PSG11: variants seen among roughly 807,000 people sequenced by gnomAD.
PSG11 encodes the protein pregnancy specific beta-1-glycoprotein 11.
A neutral mutation model predicts 36.0 loss-of-function variants in PSG11; 42 were observed. The ratio of observed to expected loss-of-function variants is 1.17; its 90% confidence interval spans 0.91 to 1.51. The LOEUF (loss-of-function observed/expected upper bound fraction) is 1.51. PSG11 is among the 40% of genes most tolerant of loss of function. The pLI is 0.00. For synonymous variants in PSG11, 206 were observed against 153.5 expected, an observed-to-expected ratio of 1.34 and a Z score of -2.53; for missense variants, 558 against 403.5, an observed-to-expected ratio of 1.38 and a Z score of -3.28.
At chr19:43,016,375 G>C (rs1323279250) in intron 3 of PSG11, among the ~76,000 whole-genome samples, 1 of 151,290 alleles carries the variant, frequency 6.6e-6, no homozygotes, top group Middle Eastern at 3.4e-3. Context: ...CTCACCTTGG[G>C]TTCCTTACCT....
Position 43,025,037 on chromosome 19 carries a change from C to T in PSG11, c.84G>A (p.Trp28Ter), listed in dbSNP as rs1441148174. 2 of 1,610,156 alleles carry T rather than the reference C, an allele frequency of 1.2e-6. No homozygotes were observed. The highest frequency in any genetic ancestry group is 1.3e-5 in the African/African-American group (1 of 74,086). The stretch of plus-strand genomic sequence containing the variant: ...TGACTTGGGCAGTGGTAGGCAAGTT[C>T]CAGAAGTTTAAAAGTAATGCTAGGA... The part of the protein sequence containing the change: ...LLLTALLLNF[W>*]NLPTTAQVMI... The change falls in exon 2 of 6, where the codon TGG (tryptophan) becomes TGA (stop). Residue 28 changes from tryptophan to a stop codon, truncating the protein, a stop_gained. Transcript: ENST00000320078. LOFTEE classifies it high-confidence loss of function.
chr19:43,014,024 G>GA (rs1472794249), intron 4 of PSG11: 1 of 151,350 alleles, frequency 6.6e-6, no homozygotes, highest in Non-Finnish European at 1.5e-5. Context: ...GACACAAAAG[G>GA]TAATTATTAT....
At chr19:43,021,072 C>A (rs1967090465) in intron 2 of PSG11, among the ~76,000 whole-genome samples, 1 of 151,394 alleles carries the variant, frequency 6.6e-6, no homozygotes, top group Admixed American at 6.6e-5. Flanking sequence ...TAGCACCCAC[C>A]TGGCCACCTC....
In PSG11 at chr19:43,025,146, T is replaced by A. The variant is rs532644506; in HGVS notation, c.65-90A>T. ...CTGAGTCCTGAGAAGGTCTCTTCAA[T>A]CCTCAGCCTTGAAGACACACACACA... On this transcript the variant is annotated intron_variant, in intron 1 of 5. Coordinates refer to ENST00000320078, the MANE Select transcript of PSG11 (RefSeq NM_002785.3). 83 of 1,482,674 alleles carry A rather than the reference T, an allele frequency of 5.6e-5. 3 individuals carry two copies. In the African/African-American group the frequency reaches 1.1e-3, roughly 20 times the overall value. 91.8% of individuals were successfully genotyped at this position (1,482,674 alleles called of 1,614,324 possible).
chr19:43,011,405 A>AC lies in PSG11; in HGVS notation c.965-1365dup, dbSNP rs778718054. ...AGGATATGAAAGAAGAACAAACTAA[A>AC]CCCAAGCACAGTGAATGAGGGAAAT... is the stretch of plus-strand genomic sequence containing the variant. On this transcript the variant is annotated intron_variant, in intron 4 of 5. Coordinates refer to ENST00000320078, the MANE Select transcript of PSG11 (RefSeq NM_002785.3). 2.3e-3 allele frequency among the ~76,000 whole-genome samples: 342 copies of AC among 151,288 alleles called. 8 individuals are homozygous for AC. Among genetic ancestry groups the AC allele is most frequent in the Admixed American group, 5.6e-3 (85 of 15,116 alleles).
chr19:43,016,013 T>C (rs1966955830), intron 3 of PSG11: 1 of 1,610,094 alleles, frequency 6.2e-7, no homozygotes, highest in African/African-American at 1.3e-5. Flanking sequence ...GGGTTTAAGT[T>C]GTTGATGGTG....
intron 1 of PSG11, chr19:43,025,289 C>T (rs1232367925): frequency 7.8e-6 from 6 of 764,612 alleles, no homozygotes; most frequent in Non-Finnish European, 1.2e-5. Context: ...GACCCCCATT[C>T]CTTCAACACT....
chr19:43,015,005 C>T (rs200680050), intron 4 of PSG11, 111 bp downstream of exon 4: 59 of 1,592,196 alleles, frequency 3.7e-5, no homozygotes, highest in South Asian at 8.0e-5. Context: ...TGGGATTTGC[C>T]TGTGCCCATG....
rs147829182 is a variant in PSG11 at position 43,024,804 on chromosome 19, G to C, written c.317C>G (p.Ser106Cys). The C allele has an allele frequency of 8.7e-6, 14 of 1,611,866 alleles. No individual in the cohort carries two copies. Among genetic ancestry groups the C allele is most frequent in the African/African-American group, 8.1e-5 (6 of 74,298 alleles). Residue 106 changes from serine (S) to cysteine (C), a missense_variant, in exon 2 of 6, where the codon TCC (serine) becomes TGC (cysteine). Physicochemically the swap from Ser to Cys is moderately radical, Grantham distance 112 (BLOSUM62 -1). Coordinates refer to ENST00000320078, the MANE Select transcript of PSG11 (RefSeq NM_002785.3). ...CCGGGTGACATTCTGGATCAGCAGGGATGCATTGGAATATACTGTTTCTCG... is the reference window on the plus strand; with the variant it reads ...CCGGGTGACATTCTGGATCAGCAGGCATGCATTGGAATATACTGTTTCTCG... ...SGRETVYSNA[S>C]LLIQNVTRED...
At chr19:43,008,142 T>G (rs1170352730) in intron 5 of PSG11, 100 bp from the exon 6 acceptor site, 12 of 307,580 alleles carry the variant, frequency 3.9e-5, no homozygotes, top group East Asian at 4.8e-5. Flanking sequence ...AATGACTATG[T>G]TTAAAAATCT....
At chr19:43,013,624 A>G (rs1966886474) in intron 4 of PSG11, among the ~76,000 whole-genome samples, 2 of 151,356 alleles carry the variant, frequency 1.3e-5, no homozygotes, top group African/African-American at 4.9e-5. Context: ...ACAAAACAAC[A>G]GGTGTTTTCA....
At chr19:43,016,993 T>TTC (rs901619152) in intron 3 of PSG11, among the ~76,000 whole-genome samples, 1 of 151,440 alleles carries the variant, frequency 6.6e-6, no homozygotes, top group African/African-American at 2.4e-5. Flanking sequence ...TCATTGGATA[T>TTC]TCTACTCTCT....
At chr19:43,009,925 C>A in intron 5 of PSG11, 33 bp downstream of exon 5, 1 of 1,488,820 alleles carries the variant, frequency 6.7e-7, no homozygotes, top group Non-Finnish European at 9.4e-7. Flanking sequence ...GTCAGCCCTG[C>A]AGGAACCAGG....
chr19:43,025,868 C>T (rs1238610529), intron 1 of PSG11, among the ~76,000 whole-genome samples: 1 of 147,052 alleles, frequency 6.8e-6, no homozygotes, highest in Non-Finnish European at 1.5e-5. Flanking sequence ...ACCCCTGTCC[C>T]TCTTGGGTGT....
chr19:43,026,026 C>A lies in PSG11; in HGVS notation c.64+283G>T, dbSNP rs1026814227. 1.4e-5 allele frequency among the ~76,000 whole-genome samples: 2 copies of A among 143,216 alleles called. 1 individual carries two copies. Among genetic ancestry groups the A allele is most frequent in the African/African-American group, 5.3e-5 (2 of 38,080 alleles). The allele number at this position is 143,216 out of a possible 152,430, so 94.0% of individuals were successfully genotyped here. On this transcript the variant is annotated intron_variant, in intron 1 of 5. Transcript: ENST00000320078. ...GCACTATCTCAGCTCACTGCAACTT[C>A]CGCCACCCTGGTTCACGTGATTCTC... is the stretch of plus-strand genomic sequence containing the variant.
Position 43,018,938 on chromosome 19 carries a change from A to G in PSG11, c.541T>C (p.Trp181Arg). The G allele has an allele frequency of 1.9e-6, 3 of 1,612,030 alleles. No individual in the cohort carries two copies. The highest frequency in any genetic ancestry group is 2.5e-6 in the Non-Finnish European group (3 of 1,179,104). ...ATAGGGAGGCTCTGACCATTCATCC[A>G]CCACAGGTAGCTTGCGTCCGGAGTC... ...PETPDASYLW[W>R]MNGQSLPMTH... The change falls in exon 3 of 6, where the codon TGG becomes CGG. Residue 181 changes from tryptophan to arginine, a missense_variant. Trp to Arg is a moderately radical substitution (Grantham distance 101, BLOSUM62 -3). Transcript: ENST00000320078.
rs759598669 is a variant in PSG11 at position 43,015,368 on chromosome 19, C to G, written c.712G>C (p.Gly238Arg). 6.2e-7 allele frequency: 1 copy of G among 1,607,838 alleles called. No individual in the cohort carries two copies. The highest frequency in any genetic ancestry group is 2.2e-5 in the East Asian group (1 of 44,758). Residue 238 changes from glycine (G) to arginine (R), a missense_variant and splice_region_variant, in exon 4 of 6, where the codon GGT becomes CGT. Coordinates refer to ENST00000320078, the MANE Select transcript of PSG11 (RefSeq NM_002785.3). The stretch of plus-strand genomic sequence containing the variant: ...GGGAAAATTCTGGGGAGGTCTGGAC[C>G]ATCTGGAGGAAAGAGAATAAAGCCA... The part of the protein sequence containing the change: ...SDPVTLNLLH[G>R]PDLPRIFPSV...
intron 2 of PSG11, 99 bp from the exon 3 acceptor site, chr19:43,019,147 C>A (rs1967042218): frequency 3.2e-6 from 5 of 1,540,348 alleles, no homozygotes; most frequent in African/African-American, 2.8e-5. Flanking sequence ...TCTCAGCCCA[C>A]CCGAGTCCCT....
intron 4 of PSG11, among the ~76,000 whole-genome samples, chr19:43,012,903 C>G (rs539494066): frequency 6.6e-6 from 1 of 151,500 alleles, no homozygotes; most frequent in African/African-American, 2.4e-5. Flanking sequence ...CCCCAGTAAT[C>G]AATACAGTGT....
Sources: gnomAD v4.1 joint callset for allele counts (sites outside exome capture counted in the v4.1 genomes callset) on GRCh38, gnomAD v4.1.1 for gene constraint, MANE v1.5 for transcripts, NCBI Gene and HGNC (gene_info 2026-07-23, HGNC 2026-07-21) for gene names.